The following MINDY2 variants were observed in gnomAD, a reference collection of about 807,000 sequenced individuals.
The protein encoded by MINDY2 is MINDY lysine 48 deubiquitinase 2, also known as ubiquitin carboxyl-terminal hydrolase MINDY-2.
A neutral mutation model predicts 68.2 loss-of-function variants in MINDY2; 52 were observed. The observed-to-expected ratio is 0.76, with a 90% CI of 0.61 to 0.96. The LOEUF is 0.96. MINDY2 is among the 40% of genes least tolerant of loss of function. The pLI is 0.00. For missense variants in MINDY2, 881 were observed against 773.4 expected (o/e 1.14, Z -1.65); for synonymous variants, 372 against 303.0 (o/e 1.23, Z -2.36).
In MINDY2 at chr15:58,840,628, C is replaced by CTTATTATTA. The variant is rs71119408; in HGVS notation, c.1369-6633_1369-6625dup. On this transcript the variant is annotated intron_variant, in intron 6 of 8. Coordinates refer to ENST00000559228, the MANE Select transcript of MINDY2 (RefSeq NM_001040450.3). The stretch of plus-strand genomic sequence containing the variant: ...ACACATTGACCTCACTATTTATTTA[C>CTTATTATTA]TTATTATTATTATTATTATTATTAT... Among the ~76,000 whole-genome samples, 115 of 139,260 alleles carry CTTATTATTA rather than the reference C, an allele frequency of 8.3e-4. No individual in the cohort carries two copies. In the Middle Eastern group the frequency reaches 0.015, roughly 18 times the overall value. The allele number at this position is 139,260 out of a possible 152,430, so 91.4% of individuals were successfully genotyped here.
At position 58,846,103 on chromosome 15, in the gene MINDY2, A is replaced by AAG. The variant is rs1354542932; in HGVS notation, c.1369-1193_1369-1192insGA. ...TGGTTAATGGATGTTAAAAAAAAAA[A>AAG]AAAAGAAAAAACAGAATGATTGAGA... On this transcript the variant is annotated intron_variant, in intron 6 of 8. Transcript: ENST00000559228. Among the ~76,000 whole-genome samples the AAG allele has an allele frequency of 3.9e-5, 6 of 152,108 alleles. No individual in the cohort carries two copies. The South Asian group carries it at 1.0e-3, about 26-fold the overall frequency.
chr15:58,848,608 T>C (rs2032655398), intron 7 of MINDY2, among the ~76,000 whole-genome samples: 1 of 151,944 alleles, frequency 6.6e-6, no homozygotes, highest in Non-Finnish European at 1.5e-5. Context: ...TATCCGGGCA[T>C]GGTGGCGGGC....
intron 6 of MINDY2, among the ~76,000 whole-genome samples, chr15:58,839,631 C>T (rs1412224342): frequency 1.3e-5 from 2 of 152,006 alleles, no homozygotes; most frequent in African/African-American, 4.8e-5. Flanking sequence ...TGCACCCAGC[C>T]TAGGGTTAGG....
Position 58,806,299 on chromosome 15 carries a change from C to G in MINDY2, c.963+3922C>G, listed in dbSNP as rs561107766. Among the ~76,000 whole-genome samples the G allele has an allele frequency of 2.6e-5, 4 of 151,768 alleles. No homozygotes were observed. In the East Asian group the frequency reaches 7.7e-4, roughly 29 times the overall value. Reference sequence around the variant, plus strand: ...ATGTTGGCCATGCTGGTCTCGAACTCCTGGCCTCAAGTGATCCACCTGTCT... The same window carrying G: ...ATGTTGGCCATGCTGGTCTCGAACTGCTGGCCTCAAGTGATCCACCTGTCT... On this transcript the variant is annotated intron_variant, in intron 3 of 8. Coordinates refer to ENST00000559228, the MANE Select transcript of MINDY2 (RefSeq NM_001040450.3).
intron 5 of MINDY2, among the ~76,000 whole-genome samples, chr15:58,831,219 T>G (rs2031713054): frequency 6.6e-6 from 1 of 152,062 alleles, no homozygotes; most frequent in Non-Finnish European, 1.5e-5. Context: ...AATGGCATCA[T>G]TTATCCCACG....
intron 2 of MINDY2, among the ~76,000 whole-genome samples, chr15:58,796,883 C>T (rs1902319620): frequency 6.6e-6 from 1 of 152,144 alleles, no homozygotes; most frequent in African/African-American, 2.4e-5. Flanking sequence ...ACCCTGTTTC[C>T]TATCCAGCTC....
rs1348212986 is a variant in MINDY2, at chr15:58,861,508, A to G, written c.*6898A>G. ...GATTCATAGGAAAGAGCATTGAAAT[A>G]CATTTTTTGCATAAAGATACCTAAA... is the stretch of plus-strand genomic sequence containing the variant. On this transcript the variant is annotated 3_prime_UTR_variant, in exon 9 of 9. Transcript: ENST00000559228. The G allele has an allele frequency of 6.6e-6, 1 of 152,218 alleles. No individual in the cohort carries two copies. The highest frequency in any genetic ancestry group is 2.4e-5 in the African/African-American group (1 of 41,468). The allele number at this position is 152,218 out of a possible 1,614,324, so 9.4% of individuals were successfully genotyped here.
chr15:58,849,468 G>A (rs1035651907), intron 7 of MINDY2, among the ~76,000 whole-genome samples: 1 of 152,206 alleles, frequency 6.6e-6, no homozygotes, highest in African/African-American at 2.4e-5. Flanking sequence ...TGACGCCACT[G>A]CACTCCAGCC....
chr15:58,838,033 A>T (rs1480004979), intron 6 of MINDY2, among the ~76,000 whole-genome samples: 1 of 150,642 alleles, frequency 6.6e-6, no homozygotes, highest in Non-Finnish European at 1.5e-5. Flanking sequence ...CCATCTTTCT[A>T]CTCCTGTGAA....
intron 6 of MINDY2, among the ~76,000 whole-genome samples, chr15:58,833,299 C>T (rs1440271787): frequency 2.6e-5 from 4 of 152,146 alleles, no homozygotes; most frequent in Non-Finnish European, 4.4e-5. Context: ...CCATCCCATA[C>T]ACACACTATA....
At chr15:58,821,255 A>G (rs1223449893) in intron 4 of MINDY2, among the ~76,000 whole-genome samples, 1 of 151,746 alleles carries the variant, frequency 6.6e-6, no homozygotes, top group Non-Finnish European at 1.5e-5. Flanking sequence ...ATAAAATGGA[A>G]TAATTTTATT....
chr15:58,792,983 G>A (rs1902042111), intron 2 of MINDY2, among the ~76,000 whole-genome samples: 1 of 151,540 alleles, frequency 6.6e-6, no homozygotes, highest in African/African-American at 2.4e-5. Flanking sequence ...GCCTGGGTGA[G>A]AGAGCAAGAA....
intron 1 of MINDY2, among the ~76,000 whole-genome samples, chr15:58,779,249 A>G (rs755238932): frequency 3.9e-5 from 6 of 152,188 alleles, no homozygotes; most frequent in Non-Finnish European, 8.8e-5. Context: ...TGAACAGCAC[A>G]ATGGCAAAAT....
intron 2 of MINDY2, among the ~76,000 whole-genome samples, chr15:58,791,622 A>ATGTGTGTGTGTGTGTGTGTGTGTGTGTG (rs368688031): frequency 3.7e-5 from 5 of 136,670 alleles, no homozygotes; most frequent in African/African-American, 2.7e-5. Flanking sequence ...GTCTCAAAAT[A>ATGTGTGTGTGTGTGTGTGTGTGTGTGTG]TGTGTGTGTG....
intron 2 of MINDY2, among the ~76,000 whole-genome samples, chr15:58,797,032 A>T (rs1902329400): frequency 6.6e-6 from 1 of 152,258 alleles, no homozygotes; most frequent in African/African-American, 2.4e-5. Flanking sequence ...ACTGAAGAAT[A>T]TAGTAGCCAC....
intron 1 of MINDY2, among the ~76,000 whole-genome samples, chr15:58,774,591 A>G (rs1276570582): frequency 6.6e-6 from 1 of 152,160 alleles, no homozygotes; most frequent in Non-Finnish European, 1.5e-5. Flanking sequence ...ATAAACAATA[A>G]TTACAGTGCA....
chr15:58,837,456 C>T (rs1452719159), intron 6 of MINDY2, among the ~76,000 whole-genome samples: 1 of 151,334 alleles, frequency 6.6e-6, no homozygotes, highest in African/African-American at 2.4e-5. Flanking sequence ...ACCTATAGTC[C>T]CAGTTACTAG....
chr15:58,789,286 C>CA (rs1901725881), intron 2 of MINDY2, among the ~76,000 whole-genome samples: 1 of 151,996 alleles, frequency 6.6e-6, no homozygotes, highest in Non-Finnish European at 1.5e-5. Flanking sequence ...TGCAGTGAGC[C>CA]GAGATTGCAC....
intron 5 of MINDY2, among the ~76,000 whole-genome samples, chr15:58,825,912 T>A (rs1480948725): frequency 6.6e-6 from 1 of 152,150 alleles, no homozygotes; most frequent in Admixed American, 6.5e-5. Flanking sequence ...AGCCTAGGAA[T>A]GTTTCTTTAA....
Sources: allele counts gnomAD v4.1 joint callset (sites outside exome capture counted in the v4.1 genomes callset), GRCh38; gene constraint gnomAD v4.1.1; transcripts MANE v1.5; gene names NCBI Gene and HGNC (gene_info 2026-07-23, HGNC 2026-07-21).